Variants in SKAP2 observed in about 807,000 individuals in gnomAD.
SKAP2 encodes src kinase-associated phosphoprotein 2.
SKAP2 carries 28 observed loss-of-function variants against 54.9 expected under a neutral mutation model. The ratio of observed to expected loss-of-function variants is 0.51; its 90% CI spans 0.38 to 0.70. The LOEUF (loss-of-function observed/expected upper bound fraction) is 0.70. Ranked by LOEUF, SKAP2 falls within the 30% of genes least tolerant of loss-of-function variation. SKAP2 has a pLI of 0.00. For synonymous variants in SKAP2, 137 were observed against 134.3 expected (o/e 1.02, Z -0.14); for missense variants, 356 against 424.1 (o/e 0.84, Z 1.41).
chr7:26,766,015 A>G (rs945427218), intron 4 of SKAP2, among the ~76,000 whole-genome samples: 16 of 152,124 alleles, frequency 1.1e-4, no homozygotes, highest in Non-Finnish European at 1.8e-4. Flanking sequence ...AAGAAAGTCA[A>G]TGGTAGCTTG....
At chr7:26,664,603 CT>C (rs1421664672), downstream of SKAP2, among the ~76,000 whole-genome samples, 1 of 151,898 alleles carries the variant, frequency 6.6e-6, no homozygotes, top group Non-Finnish European at 1.5e-5. Flanking sequence ...AAAATGGCAC[CT>C]GCTTTTACTC....
At chr7:26,774,888 C>A (rs1202647528) in intron 4 of SKAP2, among the ~76,000 whole-genome samples, 1 of 152,084 alleles carries the variant, frequency 6.6e-6, no homozygotes, top group Admixed American at 6.5e-5. Flanking sequence ...TGTAAGTTAA[C>A]AAGCACCTGA....
chr7:26,714,528 T>C (rs17154392), intron 9 of SKAP2, among the ~76,000 whole-genome samples: 2,431 of 152,362 alleles, frequency 0.016, 64 homozygotes, highest in African/African-American at 0.055. Context: ...AGTTTTACAT[T>C]ACTCAGCTGT....
At chr7:26,774,427 G>A (rs1783257223) in intron 4 of SKAP2, among the ~76,000 whole-genome samples, 1 of 151,914 alleles carries the variant, frequency 6.6e-6, no homozygotes, top group South Asian at 2.1e-4. Flanking sequence ...GCAGAAAGGA[G>A]GGAAAAAATG....
At chr7:26,788,693 C>T (rs1221875845) in intron 4 of SKAP2, among the ~76,000 whole-genome samples, 1 of 152,114 alleles carries the variant, frequency 6.6e-6, no homozygotes, top group Non-Finnish European at 1.5e-5. Flanking sequence ...TAGCACTAAT[C>T]AAGTGTGTAA....
rs142512374 is a variant in SKAP2, at chr7:26,831,463, T to C, written c.307+12567A>G. 2.4e-3 allele frequency among the ~76,000 whole-genome samples: 370 copies of C among 152,262 alleles called. 3 individuals carry two copies. The highest frequency in any genetic ancestry group is 8.1e-3 in the African/African-American group (336 of 41,538). On this transcript the variant is annotated intron_variant, in intron 4 of 12. Coordinates refer to ENST00000345317, the MANE Select transcript of SKAP2 (RefSeq NM_003930.5). ...TAGCCAGTAAAACATATGAGCTATA[T>C]AGTATAGAAGTTAGACAACACTCAC... is the stretch of plus-strand genomic sequence containing the variant.
Position 26,762,832 on chromosome 7 carries a change from T to A in SKAP2, c.308-22868A>T, listed in dbSNP as rs563062585. 2.0e-5 allele frequency among the ~76,000 whole-genome samples: 3 copies of A among 152,336 alleles called. No individual in the cohort carries two copies. In the East Asian group the frequency reaches 5.8e-4, roughly 29 times the overall value. On this transcript the variant is annotated intron_variant, in intron 4 of 12. Coordinates refer to ENST00000345317, the MANE Select transcript of SKAP2 (RefSeq NM_003930.5). Reference sequence around the variant, plus strand: ...AACCTCTTTCAAAAACCTTTCAGACTCTTCCTTAGACACCCAAGTAACCAA... The same window carrying A: ...AACCTCTTTCAAAAACCTTTCAGACACTTCCTTAGACACCCAAGTAACCAA...
At chr7:26,806,164 C>A (rs779627815) in intron 4 of SKAP2, among the ~76,000 whole-genome samples, 8 of 152,300 alleles carry the variant, frequency 5.3e-5, no homozygotes, top group African/African-American at 9.6e-5. Context: ...TCTCCTTGGG[C>A]TTCCCTATTC....
In SKAP2 at chr7:26,739,947, T is replaced by A. The variant is rs773420570; in HGVS notation, c.325A>T (p.Ile109Phe). The A allele has an allele frequency of 6.2e-7, 1 of 1,610,880 alleles. No individual in the cohort carries two copies. Among genetic ancestry groups the A allele is most frequent in the Non-Finnish European group, 8.5e-7 (1 of 1,178,858 alleles). The change falls in exon 5 of 13, where the codon ATT (isoleucine) becomes TTT (phenylalanine). Residue 109 changes from isoleucine to phenylalanine, a missense_variant. Physicochemically the swap from Ile to Phe is conservative, Grantham distance 21 (BLOSUM62 0). Transcript: ENST00000345317. ...ACAAAAGGAAGGTCTTGTGCTGCAATTGGAGGAAACTGGGCTCCTATGAGA... is the reference window on the plus strand; with the variant it reads ...ACAAAAGGAAGGTCTTGTGCTGCAAATGGAGGAAACTGGGCTCCTATGAGA... Reference protein sequence around the residue: ...APSDGAQFPPIAAQDLPFVLK... With the variant: ...APSDGAQFPPFAAQDLPFVLK...
intron 11 of SKAP2, among the ~76,000 whole-genome samples, chr7:26,684,147 TAC>T (rs902489426): frequency 2.0e-5 from 3 of 152,068 alleles, no homozygotes; most frequent in Admixed American, 2.0e-4. Flanking sequence ...TTTATGTATA[TAC>T]ACACACACAT....
At chr7:26,763,375 A>G (rs1183614263) in intron 4 of SKAP2, among the ~76,000 whole-genome samples, 1 of 152,162 alleles carries the variant, frequency 6.6e-6, no homozygotes, top group Non-Finnish European at 1.5e-5. Context: ...CAAAGGCAAA[A>G]AAAATTTATG....
At chr7:26,737,409 G>A (rs1787966868) in intron 6 of SKAP2, among the ~76,000 whole-genome samples, 1 of 152,134 alleles carries the variant, frequency 6.6e-6, no homozygotes, top group South Asian at 2.1e-4. Context: ...GTGATGGAAT[G>A]CAAACTAGCT....
rs893788090 is a variant in SKAP2 at position 26,668,016 on chromosome 7, T to C, written c.*1650A>G. The C allele has an allele frequency of 2.0e-5, 3 of 152,144 alleles. No individual in the cohort carries two copies. Among genetic ancestry groups the C allele is most frequent in the Non-Finnish European group, 4.4e-5 (3 of 68,014 alleles). The allele number at this position is 152,144 out of a possible 1,614,324, so 9.4% of individuals were successfully genotyped here. A position where few individuals can be genotyped will look rare whatever the true frequency, so the allele number is the denominator to read the frequency against. ...ACTTTAACTTCACAATGTCTCTCTA[T>C]ATAAACTTGTTTACTCACAATCCCT... On this transcript the variant is annotated 3_prime_UTR_variant, in exon 13 of 13. Transcript: ENST00000345317.
chr7:26,826,104 G>C (rs1433469845), intron 4 of SKAP2, among the ~76,000 whole-genome samples: 1 of 133,720 alleles, frequency 7.5e-6, no homozygotes, highest in Non-Finnish European at 1.6e-5. Flanking sequence ...TCCAGACCTA[G>C]CCAATTCGTG....
chr7:26,743,034 G>T (rs1782486896), intron 4 of SKAP2, among the ~76,000 whole-genome samples: 1 of 152,076 alleles, frequency 6.6e-6, no homozygotes, highest in African/African-American at 2.4e-5. Context: ...ATGAAGAAAA[G>T]GAAATTAAGG....
chr7:26,833,009 T>C (rs1004621122), intron 4 of SKAP2, among the ~76,000 whole-genome samples: 3 of 152,124 alleles, frequency 2.0e-5, no homozygotes, highest in Non-Finnish European at 4.4e-5. Context: ...GCAAGCGAAC[T>C]AGCTCCCAAA....
At chr7:26,843,693 A>C (rs1346480358) in intron 4 of SKAP2, among the ~76,000 whole-genome samples, 1 of 151,990 alleles carries the variant, frequency 6.6e-6, no homozygotes, top group East Asian at 1.9e-4. Flanking sequence ...TTATAAAATA[A>C]ATAATACAGT....
At chr7:26,724,560 T>C (rs1339319254) in intron 9 of SKAP2, among the ~76,000 whole-genome samples, 1 of 152,178 alleles carries the variant, frequency 6.6e-6, no homozygotes, top group African/African-American at 2.4e-5. Flanking sequence ...CATTACATCA[T>C]TAAATTGTTA....
chr7:26,687,345 A>AT (rs1786669760), intron 10 of SKAP2, among the ~76,000 whole-genome samples: 1 of 151,764 alleles, frequency 6.6e-6, no homozygotes, highest in South Asian at 2.1e-4. Flanking sequence ...AAAAAGATGC[A>AT]TTTTCAACTG....
Sources: gnomAD v4.1 joint callset for allele counts (sites outside exome capture counted in the v4.1 genomes callset) on GRCh38, gnomAD v4.1.1 for gene constraint, MANE v1.5 for transcripts, NCBI Gene and HGNC (gene_info 2026-07-23, HGNC 2026-07-21) for gene names.